Variants in SPTBN1 observed in about 807,000 individuals in gnomAD.
The protein encoded by SPTBN1 is spectrin beta chain, non-erythrocytic 1.
Under a neutral mutation model 266.4 loss-of-function variants are expected in SPTBN1, and 32 were observed. The observed-to-expected ratio is 0.12, with a 90% CI of 0.09 to 0.16. The LOEUF (loss-of-function observed/expected upper bound fraction) is 0.16. Ranked by LOEUF, SPTBN1 falls within the 10% of genes least tolerant of loss-of-function variation. The pLI is 1.00. For missense variants in SPTBN1, 2,296 were observed against 3,067.1 expected (o/e 0.75, Z 5.94); for synonymous variants, 1,336 against 1,162.2 (o/e 1.15, Z -3.04).
At chr2:54,612,703 T>A (rs1167051857) in intron 4 of SPTBN1, among the ~76,000 whole-genome samples, 5 of 152,022 alleles carry the variant, frequency 3.3e-5, no homozygotes, top group African/African-American at 1.2e-4. Context: ...AATGCTAGGT[T>A]ATTAGCTTAG....
At chr2:54,574,880 T>G (rs1674351701) in intron 2 of SPTBN1, among the ~76,000 whole-genome samples, 1 of 152,176 alleles carries the variant, frequency 6.6e-6, no homozygotes, top group Admixed American at 6.5e-5. Context: ...CCAGGTACCT[T>G]CATGAACATA....
intron 1 of SPTBN1, among the ~76,000 whole-genome samples, chr2:54,519,773 T>C (rs185256485): frequency 6.6e-6 from 1 of 152,210 alleles, no homozygotes; most frequent in East Asian, 1.9e-4. Flanking sequence ...GGGATTACAA[T>C]GAGAGATGAG....
chr2:54,591,325 T>C (rs1675665535), intron 2 of SPTBN1, among the ~76,000 whole-genome samples: 1 of 152,198 alleles, frequency 6.6e-6, no homozygotes, highest in Non-Finnish European at 1.5e-5. Context: ...TGATTTCTTC[T>C]TAACTTCCAT....
intron 28 of SPTBN1, among the ~76,000 whole-genome samples, chr2:54,655,444 T>C (rs1251722841): frequency 6.6e-6 from 1 of 152,186 alleles, no homozygotes; most frequent in Non-Finnish European, 1.5e-5. Context: ...GGACTCCGCA[T>C]CCTCCCCAAT....
intron 10 of SPTBN1, among the ~76,000 whole-genome samples, chr2:54,623,919 G>A (rs967232062): frequency 6.6e-6 from 1 of 152,228 alleles, no homozygotes; most frequent in Admixed American, 6.5e-5. Context: ...ACAGAAAGGA[G>A]AAATTGAAAC....
At chr2:54,621,278 G>C in intron 7 of SPTBN1, 122 bp from the exon 8 acceptor site, 1 of 607,272 alleles carries the variant, frequency 1.6e-6, no homozygotes, top group Non-Finnish European at 3.0e-6. Flanking sequence ...AGAACACTCA[G>C]GTACAAACAT....
chr2:54,632,741 A>C lies in SPTBN1; in HGVS notation c.3740A>C (p.Gln1247Pro). 6.2e-7 allele frequency: 1 copy of C among 1,614,220 alleles called. No individual in the cohort carries two copies. Among genetic ancestry groups the C allele is most frequent in the Non-Finnish European group, 8.5e-7 (1 of 1,180,046 alleles). ...GGGAACATCAACTCAGATCGCATCC[A>C]GGAGAAGGTGGACTCTATTGATGAC... ...SDGNINSDRI[Q>P]EKVDSIDDRH... The change falls in exon 17 of 36, where the codon CAG becomes CCG. Residue 1247 changes from glutamine (Q) to proline (P), a missense_variant. Gln to Pro is a moderately conservative substitution (Grantham distance 76). Transcript: ENST00000356805.
At chr2:54,596,939 A>T (rs1676131524) in intron 2 of SPTBN1, among the ~76,000 whole-genome samples, 1 of 152,164 alleles carries the variant, frequency 6.6e-6, no homozygotes. Flanking sequence ...TTGTGAAAGA[A>T]CCTGTTAATT....
chr2:54,457,585 T>C (rs962398475), intron 1 of SPTBN1, among the ~76,000 whole-genome samples: 1 of 152,162 alleles, frequency 6.6e-6, no homozygotes, highest in Non-Finnish European at 1.5e-5. Flanking sequence ...TTTGGCAAGA[T>C]GGATGGCTCA....
chr2:54,615,410 CTT>C (rs1360212896), intron 4 of SPTBN1, among the ~76,000 whole-genome samples: 1 of 152,202 alleles, frequency 6.6e-6, no homozygotes, highest in Non-Finnish European at 1.5e-5. Flanking sequence ...CAAGAGGAAA[CTT>C]TCATATAATA....
chr2:54,460,758 G>A (rs949050456), intron 1 of SPTBN1, among the ~76,000 whole-genome samples: 4 of 152,168 alleles, frequency 2.6e-5, no homozygotes, highest in Non-Finnish European at 2.9e-5. Flanking sequence ...CCAGCACTTT[G>A]GGATGCCGAG....
intron 2 of SPTBN1, among the ~76,000 whole-genome samples, chr2:54,595,556 C>T (rs1308660945): frequency 6.6e-6 from 1 of 152,278 alleles, no homozygotes; most frequent in African/African-American, 2.4e-5. Flanking sequence ...CAGCCCGCCC[C>T]AGCTCCATGC....
At chr2:54,631,740 T>TG (rs2103943688) in intron 16 of SPTBN1, 129 bp downstream of exon 16, 1 of 1,210,940 alleles carries the variant, frequency 8.3e-7, no homozygotes, top group South Asian at 1.6e-5. Context: ...TAGAGACTGA[T>TG]TTTTTTTTCC....
At chr2:54,627,769 G>A (rs1023031502) in intron 12 of SPTBN1, among the ~76,000 whole-genome samples, 1 of 125,152 alleles carries the variant, frequency 8.0e-6, no homozygotes, top group Non-Finnish European at 1.7e-5. Flanking sequence ...CCCCGCCCAC[G>A]CTCCCCACTG....
intron 1 of SPTBN1, among the ~76,000 whole-genome samples, chr2:54,463,611 A>G (rs6757261): frequency 0.1 from 15,892 of 152,284 alleles, 1,753 homozygotes; most frequent in African/African-American, 0.27. Context: ...TATCTACCAC[A>G]TAGGATTATT....
chr2:54,577,269 G>A (rs548073422), intron 2 of SPTBN1, among the ~76,000 whole-genome samples: 1 of 152,050 alleles, frequency 6.6e-6, no homozygotes, highest in Non-Finnish European at 1.5e-5. Context: ...AGATTTGAAG[G>A]CCCCTGCAAA....
At chr2:54,502,393 A>G (rs1196598882) in intron 1 of SPTBN1, among the ~76,000 whole-genome samples, 1 of 152,058 alleles carries the variant, frequency 6.6e-6, no homozygotes, top group African/African-American at 2.4e-5. Context: ...ACGCCCCCCA[A>G]CCCAGCCCTC....
intron 2 of SPTBN1, among the ~76,000 whole-genome samples, chr2:54,549,754 G>A (rs1672459149): frequency 6.6e-6 from 1 of 152,182 alleles, no homozygotes; most frequent in African/African-American, 2.4e-5. Flanking sequence ...GAGAAGGGAA[G>A]GCTTTGAGCT....
intron 2 of SPTBN1, among the ~76,000 whole-genome samples, chr2:54,530,971 A>G (rs1300155717): frequency 6.6e-6 from 1 of 152,162 alleles, no homozygotes; most frequent in Admixed American, 6.5e-5. Flanking sequence ...TGGAACTTTC[A>G]GCATCATCCA....
Sources: gnomAD v4.1 joint callset for allele counts (sites outside exome capture counted in the v4.1 genomes callset) on GRCh38, gnomAD v4.1.1 for gene constraint, MANE v1.5 for transcripts, NCBI Gene and HGNC (gene_info 2026-07-23, HGNC 2026-07-21) for gene names.